The following CCND3 variants were observed in gnomAD, a reference collection of about 807,000 sequenced individuals.
CCND3 encodes the protein cyclin D3.
In CCND3, 9 loss-of-function variants were observed where a neutral mutation model predicts 28.7. The ratio of observed to expected loss-of-function variants is 0.31; its 90% CI spans 0.19 to 0.55. The LOEUF (loss-of-function observed/expected upper bound fraction) is 0.55, where lower values mean the gene tolerates loss of function less well. CCND3 is among the 20% of genes least tolerant of loss of function. CCND3 has a pLI of 0.93. For synonymous variants in CCND3, 164 were observed against 163.9 expected, an observed-to-expected ratio of 1.00 and a Z score of 0.00; for missense variants, 315 against 385.8, an observed-to-expected ratio of 0.82 and a Z score of 1.54.
chr6:41,996,241 C>T (rs555266736), intron 1 of CCND3, among the ~76,000 whole-genome samples: 9 of 151,328 alleles, frequency 5.9e-5, no homozygotes, highest in African/African-American at 2.2e-4. Context: ...CCTCCGCCTC[C>T]CGGGTTCAAG....
At chr6:42,006,792 C>T (rs1437103480) in intron 1 of CCND3, among the ~76,000 whole-genome samples, 5 of 151,714 alleles carry the variant, frequency 3.3e-5, no homozygotes, top group Non-Finnish European at 5.9e-5. Context: ...CCTGTAGTCC[C>T]AGCTACTCGG....
At position 42,041,129 on chromosome 6, in the gene CCND3, C is replaced by T. The variant is rs1000216837; in HGVS notation, c.-46+7372G>A. On this transcript the variant is annotated intron_variant, in intron 1 of 4. Coordinates refer to the CCND3 transcript ENST00000372988. ...CCACACAACAGATTCCCACAAGAAG[C>T]ACCAAAAAATGACTTCTAGAACCTG... is the stretch of plus-strand genomic sequence containing the variant. 8.5e-5 allele frequency among the ~76,000 whole-genome samples: 13 copies of T among 152,062 alleles called. 1 individual carries two copies. The highest frequency in any genetic ancestry group is 6.3e-3 in the Middle Eastern group (2 of 316).
At chr6:41,965,501 G>A (rs940395582) in intron 1 of CCND3, among the ~76,000 whole-genome samples, 3 of 152,176 alleles carry the variant, frequency 2.0e-5, no homozygotes, top group African/African-American at 7.2e-5. Flanking sequence ...AGGAGTGCAC[G>A]CCTCTGGAAG....
At chr6:41,962,140 G>A (rs767789189) in intron 1 of CCND3, among the ~76,000 whole-genome samples, 49 of 151,292 alleles carry the variant, frequency 3.2e-4, no homozygotes, top group Middle Eastern at 3.4e-3. Context: ...CACTCTTGTC[G>A]CCCAGGCTGG....
intron 1 of CCND3, among the ~76,000 whole-genome samples, chr6:41,950,853 C>T (rs189190727): frequency 1.3e-3 from 196 of 152,000 alleles, no homozygotes; most frequent in Non-Finnish European, 2.1e-3. Flanking sequence ...GGACTACAGG[C>T]GCCCCCCACC....
At chr6:41,988,315 CATA>C (rs944481962) in intron 1 of CCND3, among the ~76,000 whole-genome samples, 3 of 151,974 alleles carry the variant, frequency 2.0e-5, no homozygotes, top group African/African-American at 7.2e-5. Context: ...TGTCTCAAAA[CATA>C]ATAATAATAA....
intron 1 of CCND3, among the ~76,000 whole-genome samples, chr6:41,978,913 C>T (rs1299197075): frequency 1.3e-4 from 20 of 152,124 alleles, no homozygotes; most frequent in Admixed American, 1.2e-3. Context: ...TGGGGTGGCT[C>T]ACGCCTTTAA....
intron 1 of CCND3, among the ~76,000 whole-genome samples, chr6:41,966,657 A>G (rs1761894593): frequency 6.6e-6 from 1 of 152,154 alleles, no homozygotes; most frequent in South Asian, 2.1e-4. Flanking sequence ...TCTCTTAGTT[A>G]GGCAGGTCTG....
At chr6:42,037,315 G>A (rs1764248605) in intron 1 of CCND3, among the ~76,000 whole-genome samples, 1 of 150,286 alleles carries the variant, frequency 6.7e-6, no homozygotes, top group Non-Finnish European at 1.5e-5. Flanking sequence ...TCGGCTCACT[G>A]CAACCTCTGA....
chr6:41,946,380 T>C (rs1776167918), upstream of CCND3, among the ~76,000 whole-genome samples: 1 of 151,510 alleles, frequency 6.6e-6, no homozygotes, highest in Non-Finnish European at 1.5e-5. Flanking sequence ...GCAGATCACT[T>C]GAGGCCAGGA....
At chr6:41,972,213 G>T (rs13215811) in intron 1 of CCND3, among the ~76,000 whole-genome samples, 16,826 of 102,118 alleles carry the variant, frequency 0.16, 1,211 homozygotes, top group African/African-American at 0.23. Flanking sequence ...GGGCAACAGA[G>T]CGAGACTCCA....
intron 1 of CCND3, among the ~76,000 whole-genome samples, chr6:41,981,992 G>A (rs970003176): frequency 4.6e-5 from 7 of 151,676 alleles, no homozygotes; most frequent in Admixed American, 2.6e-4. Context: ...AATCATGGCC[G>A]GGCACGGTGG....
intron 1 of CCND3, among the ~76,000 whole-genome samples, chr6:42,035,450 C>T (rs1764177103): frequency 6.6e-6 from 1 of 151,940 alleles, no homozygotes; most frequent in African/African-American, 2.4e-5. Flanking sequence ...TCACTGCAAG[C>T]TCTGCCTCCT....
intron 1 of CCND3, among the ~76,000 whole-genome samples, chr6:42,026,418 C>A (rs560244338): frequency 6.6e-6 from 1 of 152,234 alleles, no homozygotes; most frequent in East Asian, 1.9e-4. Context: ...AGACCCTCCA[C>A]CTTTGACCAG....
intron 1 of CCND3, among the ~76,000 whole-genome samples, chr6:42,035,129 A>G (rs13194688): frequency 0.36 from 55,490 of 152,028 alleles, 11,077 homozygotes; most frequent in Middle Eastern, 0.47. Flanking sequence ...CTTCTCATTC[A>G]TGCTCTTCCT....
At chr6:41,948,883 C>T (rs993316226) in intron 1 of CCND3, among the ~76,000 whole-genome samples, 1 of 151,648 alleles carries the variant, frequency 6.6e-6, no homozygotes, top group Non-Finnish European at 1.5e-5. Context: ...AAGAAAAACA[C>T]CAGCATACAC....
At chr6:42,005,281 C>T (rs1763142684) in intron 1 of CCND3, among the ~76,000 whole-genome samples, 1 of 152,002 alleles carries the variant, frequency 6.6e-6, no homozygotes, top group African/African-American at 2.4e-5. Context: ...GTGGCTCAGG[C>T]CTGTAATCCC....
chr6:41,951,575 C>CAAAAA (rs58855970), intron 1 of CCND3, among the ~76,000 whole-genome samples: 11 of 70,188 alleles, frequency 1.6e-4, no homozygotes, highest in Admixed American at 7.2e-4. Flanking sequence ...CACACACACA[C>CAAAAA]AAAAAAAAAG....
rs142708660 is a variant in CCND3, at chr6:41,997,287, G to A, written c.-46+51214C>T. Among the ~76,000 whole-genome samples, 332 of 152,280 alleles carry A rather than the reference G, an allele frequency of 2.2e-3. 4 individuals are homozygous for A. Among genetic ancestry groups the A allele is most frequent in the Non-Finnish European group, 3.5e-3 (236 of 68,036 alleles). ...AGCAGCAACCTTTGCACTGTCTCCA[G>A]TTAGTACTTTCAGAGGAATTAGCTT... On this transcript the variant is annotated intron_variant, in intron 1 of 4. Coordinates refer to the CCND3 transcript ENST00000372988.
Sources: gnomAD v4.1 joint callset for allele counts (sites outside exome capture counted in the v4.1 genomes callset) on GRCh38, gnomAD v4.1.1 for gene constraint, MANE v1.5 for transcripts, NCBI Gene and HGNC (gene_info 2026-07-23, HGNC 2026-07-21) for gene names.